Variants in CHN2 observed in about 807,000 individuals in gnomAD.
The protein encoded by CHN2 is chimerin 2, also known as beta-chimaerin.
Under a neutral mutation model 56.3 loss-of-function variants are expected in CHN2, and 35 were observed. The observed-to-expected ratio is 0.62, with a 90% confidence interval of 0.47 to 0.82. CHN2 has a LOEUF of 0.82. CHN2 is among the 40% of genes least tolerant of loss of function. The pLI, the probability that CHN2 is intolerant of heterozygous loss-of-function variation, is 0.00. For missense variants in CHN2, 491 were observed against 580.5 expected (o/e 0.85, Z 1.58); for synonymous variants, 210 against 212.8 (o/e 0.99, Z 0.12).
At chr7:29,369,327 G>A (rs1799422781) in intron 3 of CHN2, among the ~76,000 whole-genome samples, 1 of 152,018 alleles carries the variant, frequency 6.6e-6, no homozygotes, top group African/African-American at 2.4e-5. Flanking sequence ...CTATCTAGGG[G>A]CATTAATAAA....
intron 6 of CHN2, among the ~76,000 whole-genome samples, chr7:29,476,546 A>G (rs1034354591): frequency 2.4e-5 from 3 of 122,786 alleles, no homozygotes; most frequent in African/African-American, 1.0e-4. Context: ...CAAAAAAAAA[A>G]CCACCAATAA....
At chr7:29,433,035 A>G (rs1782961948) in intron 6 of CHN2, among the ~76,000 whole-genome samples, 1 of 152,230 alleles carries the variant, frequency 6.6e-6, no homozygotes, top group South Asian at 2.1e-4. Flanking sequence ...TAGTTTTTCC[A>G]TCAGAGGGAT....
chr7:29,372,745 C>T (rs186300595), intron 3 of CHN2, among the ~76,000 whole-genome samples: 202 of 152,284 alleles, frequency 1.3e-3, no homozygotes, highest in Non-Finnish European at 2.1e-3. Context: ...CTAACTTAAA[C>T]ACAGACTAAA....
chr7:29,311,105 CTTGTAGATTCA>C (rs757752985), intron 1 of CHN2, among the ~76,000 whole-genome samples: 1 of 152,180 alleles, frequency 6.6e-6, no homozygotes, highest in Non-Finnish European at 1.5e-5. Context: ...GTCTCCGAGC[CTTGTAGATTCA>C]TTGTAGATTC....
chr7:29,397,143 G>A (rs183216523), intron 4 of CHN2: 1 of 152,182 alleles, frequency 6.6e-6, no homozygotes, highest in South Asian at 2.1e-4. Flanking sequence ...TTTAAGAAGC[G>A]ATTTTGAAAC....
chr7:29,431,776 C>T (rs1345542554), intron 6 of CHN2, among the ~76,000 whole-genome samples: 2 of 152,192 alleles, frequency 1.3e-5, no homozygotes, highest in Non-Finnish European at 2.9e-5. Flanking sequence ...ACAGGGCCAC[C>T]TTAGCAATGC....
At chr7:29,415,084 G>T (rs1247298283) in intron 6 of CHN2, among the ~76,000 whole-genome samples, 2 of 152,106 alleles carry the variant, frequency 1.3e-5, no homozygotes, top group Non-Finnish European at 2.9e-5. Flanking sequence ...AATATTCATT[G>T]AGCCCCTAAT....
chr7:29,365,450 G>A (rs1025021064), intron 2 of CHN2, among the ~76,000 whole-genome samples: 22 of 152,174 alleles, frequency 1.4e-4, no homozygotes, highest in African/African-American at 5.3e-4. Flanking sequence ...TTATATAAAG[G>A]AAAGTACAGG....
intron 3 of CHN2, chr7:29,380,653 T>C (rs1291127034): frequency 6.6e-6 from 1 of 152,204 alleles, no homozygotes; most frequent in South Asian, 2.1e-4. Context: ...CCAAATACCA[T>C]TAAGCTTTGA....
At chr7:29,263,673 G>C (rs1270493306) in intron 1 of CHN2, among the ~76,000 whole-genome samples, 1 of 149,452 alleles carries the variant, frequency 6.7e-6, no homozygotes, top group African/African-American at 2.5e-5. Flanking sequence ...GCCTCTTCCC[G>C]GCCGTCATCC....
intron 1 of CHN2, among the ~76,000 whole-genome samples, chr7:29,267,211 G>A (rs1176736096): frequency 6.6e-6 from 1 of 150,982 alleles, no homozygotes; most frequent in Non-Finnish European, 1.5e-5. Flanking sequence ...AGCGCCCTCT[G>A]TACATTAGGC....
chr7:29,456,423 G>GA (rs1418501837), intron 6 of CHN2, among the ~76,000 whole-genome samples: 44 of 151,826 alleles, frequency 2.9e-4, no homozygotes, highest in Admixed American at 4.6e-4. Flanking sequence ...GAAAGAGAGA[G>GA]GGGGACAGAA....
chr7:29,428,072 A>C (rs929672152), intron 6 of CHN2, among the ~76,000 whole-genome samples: 1 of 152,232 alleles, frequency 6.6e-6, no homozygotes, highest in Non-Finnish European at 1.5e-5. Context: ...TTGGAAGCAC[A>C]AACTCTGGAG....
At chr7:29,320,754 C>T (rs1795277722) in intron 1 of CHN2, among the ~76,000 whole-genome samples, 1 of 152,094 alleles carries the variant, frequency 6.6e-6, no homozygotes, top group Non-Finnish European at 1.5e-5. Flanking sequence ...CCTGGCACTC[C>T]TTCCAGGATG....
intron 4 of CHN2, among the ~76,000 whole-genome samples, chr7:29,396,459 CAAAA>C (rs35163855): frequency 3.5e-5 from 2 of 56,508 alleles, no homozygotes; most frequent in South Asian, 8.0e-4. Flanking sequence ...AGACTCTCTC[CAAAA>C]AAAAAAAAAA....
chr7:29,195,623 A>AGTGTGTGT (rs1321934892), intron 1 of CHN2, among the ~76,000 whole-genome samples: 108 of 128,168 alleles, frequency 8.4e-4, no homozygotes, highest in Middle Eastern at 3.8e-3. Context: ...AGAGAGAGAG[A>AGTGTGTGT]GAGAGAGTGT....
intron 1 of CHN2, among the ~76,000 whole-genome samples, chr7:29,228,472 G>A (rs35192006): frequency 0.14 from 20,543 of 152,082 alleles, 1,528 homozygotes; most frequent in Non-Finnish European, 0.16. Context: ...TATGATGTTC[G>A]CACAACATGA....
chr7:29,446,676 T>A lies in CHN2; in HGVS notation c.577-33603T>A, dbSNP rs149334863. Among the ~76,000 whole-genome samples, 822 of 152,268 alleles carry A rather than the reference T, an allele frequency of 5.4e-3. 4 individuals are homozygous for A. The highest frequency in any genetic ancestry group is 0.019 in the African/African-American group (770 of 41,556). ...GAGAAATGGAGATCTGGGTTACTGTTAGGGGTCTCCCTGGAGTATTCAGCA... is the reference window on the plus strand; with the variant it reads ...GAGAAATGGAGATCTGGGTTACTGTAAGGGGTCTCCCTGGAGTATTCAGCA... On this transcript the variant is annotated intron_variant, in intron 6 of 12. Transcript: ENST00000222792.
intron 2 of CHN2, among the ~76,000 whole-genome samples, chr7:29,177,028 G>C (rs1481829674): frequency 6.6e-6 from 1 of 151,776 alleles, no homozygotes; most frequent in Non-Finnish European, 1.5e-5. Flanking sequence ...AAGAAAGAGA[G>C]GGGAAAAAAT....
Sources: gnomAD v4.1 joint callset for allele counts (sites outside exome capture counted in the v4.1 genomes callset) on GRCh38, gnomAD v4.1.1 for gene constraint, MANE v1.5 for transcripts, NCBI Gene and HGNC (gene_info 2026-07-23, HGNC 2026-07-21) for gene names.